The following GPR158 variants were observed in gnomAD, a reference collection of about 807,000 sequenced individuals.
GPR158 encodes G protein-coupled receptor 158.
A neutral mutation model predicts 78.2 loss-of-function variants in GPR158; 30 were observed. The observed-to-expected ratio is 0.38, with a 90% CI of 0.29 to 0.52. The LOEUF is 0.52. Ranked by LOEUF, GPR158 falls within the 20% of genes least tolerant of loss-of-function variation. The pLI, the probability that GPR158 is intolerant of heterozygous loss-of-function variation, is 0.83. For synonymous variants in GPR158, 581 were observed against 591.1 expected (o/e 0.98, Z 0.25); for missense variants, 1,463 against 1,523.5 (o/e 0.96, Z 0.66).
intron 6 of GPR158, among the ~76,000 whole-genome samples, chr10:25,560,250 A>ATATTTTTATTTTTCATTT (rs1209788055): frequency 2.0e-5 from 3 of 152,122 alleles, no homozygotes; most frequent in Admixed American, 6.6e-5. Context: ...ATTTTTTAAA[A>ATATTTTTATTTTTCATTT]TATTTTTATT....
intron 7 of GPR158, among the ~76,000 whole-genome samples, chr10:25,579,872 C>T (rs1043787313): frequency 6.6e-6 from 1 of 152,190 alleles, no homozygotes; most frequent in Non-Finnish European, 1.5e-5. Flanking sequence ...TTCTATTCAT[C>T]CTCTATCATC....
At chr10:25,543,527 G>A (rs1564485176) in intron 5 of GPR158, among the ~76,000 whole-genome samples, 1 of 152,120 alleles carries the variant, frequency 6.6e-6, no homozygotes, top group Non-Finnish European at 1.5e-5. Flanking sequence ...TTGTTACATG[G>A]CTGTAGTGTG....
chr10:25,544,874 C>A (rs1836641591), intron 5 of GPR158, among the ~76,000 whole-genome samples: 1 of 152,112 alleles, frequency 6.6e-6, no homozygotes, highest in African/African-American at 2.4e-5. Context: ...CAACCCCTGA[C>A]AGGCCCTGGT....
intron 5 of GPR158, among the ~76,000 whole-genome samples, chr10:25,527,722 C>T (rs1035919834): frequency 6.6e-6 from 1 of 151,938 alleles, no homozygotes; most frequent in Non-Finnish European, 1.5e-5. Flanking sequence ...TAAGAATCTA[C>T]TTGAAATCAG....
In GPR158 at chr10:25,175,791, G is replaced by A. The variant is rs1199615215; in HGVS notation, c.371G>A (p.Arg124Gln). Residue 124 changes from arginine (R) to glutamine (Q), a missense_variant, in exon 1 of 11, where the codon CGG becomes CAG. Arg to Gln is a conservative substitution (Grantham distance 43). Coordinates refer to ENST00000376351, the MANE Select transcript of GPR158 (RefSeq NM_020752.3). The surrounding 1 kb of genome is among the most constrained non-coding windows in gnomAD (Gnocchi z 6.4). ...ALASAHPSLH[R>Q]ALDTLTHATN... ...GCCAGCGCGCACCCCTCCTTGCACC[G>A]GGCGCTGGACACACTGACACACGCC... 1.2e-6 allele frequency: 2 copies of A among 1,611,494 alleles called. No individual in the cohort carries two copies. The highest frequency in any genetic ancestry group is 3.3e-5 in the Admixed American group (2 of 60,022).
intron 4 of GPR158, among the ~76,000 whole-genome samples, chr10:25,433,563 G>T (rs1358590092): frequency 1.4e-5 from 2 of 147,920 alleles, no homozygotes; most frequent in Admixed American, 6.8e-5. Flanking sequence ...GTGTGTGTGT[G>T]TGTGTGTGCG....
chr10:25,596,904 A>G (rs750529449), intron 10 of GPR158, 115 bp downstream of exon 10: 61 of 819,250 alleles, frequency 7.4e-5, no homozygotes, highest in Non-Finnish European at 1.1e-4. Context: ...TTGTGCATGT[A>G]TGTCTCAGAA....
intron 2 of GPR158, among the ~76,000 whole-genome samples, chr10:25,298,811 G>A (rs1854552275): frequency 6.6e-6 from 1 of 152,070 alleles, no homozygotes; most frequent in Non-Finnish European, 1.5e-5. Context: ...GAATGCTTTA[G>A]TTTGTTTTTA....
chr10:25,534,824 C>A (rs7100942), intron 5 of GPR158, among the ~76,000 whole-genome samples: 64,581 of 151,870 alleles, frequency 0.43, 13,844 homozygotes, highest in East Asian at 0.56. Context: ...ACATCTCCCA[C>A]CTCAACATGA....
At position 25,263,260 on chromosome 10, in the gene GPR158, T is replaced by G. The variant is rs113028620; in HGVS notation, c.1008+42103T>G. On this transcript the variant is annotated intron_variant, in intron 2 of 10. Transcript: ENST00000376351. ...TTATTTTTGCATGAGGATGTCCAGT[T>G]GTTCCCAGCACCGTTTTTTGAAAAG... Among the ~76,000 whole-genome samples, 496 of 152,312 alleles carry G rather than the reference T, an allele frequency of 3.3e-3. 5 individuals carry two copies. Among genetic ancestry groups the G allele is most frequent in the African/African-American group, 0.012 (482 of 41,576 alleles).
intron 2 of GPR158, among the ~76,000 whole-genome samples, chr10:25,337,969 A>G (rs1855233398): frequency 6.6e-6 from 1 of 151,854 alleles, no homozygotes; most frequent in South Asian, 2.1e-4. Flanking sequence ...TGTTTTTTAA[A>G]ATGCCTTTTT....
intron 5 of GPR158, among the ~76,000 whole-genome samples, chr10:25,482,086 A>G (rs1485831984): frequency 6.6e-6 from 1 of 152,070 alleles, no homozygotes; most frequent in African/African-American, 2.4e-5. Context: ...AGGTACATCA[A>G]CAAAGATGAC....
rs1363230540 is a variant in GPR158 at position 25,588,902 on chromosome 10, CTATT to C, written c.1754-101_1754-98del. The stretch of plus-strand genomic sequence containing the variant: ...ATGTGAATAAGACTTTCTAACCCAT[CTATT>C]TATAAAAAACTTATGTTGAATAATA... On this transcript the variant is annotated intron_variant, in intron 7 of 10. Transcript: ENST00000376351. 1.6e-5 allele frequency: 10 copies of C among 614,422 alleles called. No homozygotes were observed. The Admixed American group carries it at 3.0e-4, about 18-fold the overall frequency. 38.1% of individuals were successfully genotyped at this position (614,422 alleles called of 1,614,324 possible).
At chr10:25,202,995 C>G (rs867298262) in intron 1 of GPR158, among the ~76,000 whole-genome samples, 2 of 152,314 alleles carry the variant, frequency 1.3e-5, no homozygotes, top group African/African-American at 4.8e-5. Context: ...CTGCATTTCT[C>G]TGATGGCCAG....
At chr10:25,441,915 A>G (rs1835073460) in intron 4 of GPR158, among the ~76,000 whole-genome samples, 1 of 152,178 alleles carries the variant, frequency 6.6e-6, no homozygotes, top group Non-Finnish European at 1.5e-5. Context: ...CCTTGAGGGC[A>G]GTGAATTTCA....
At chr10:25,268,331 C>G (rs959370773) in intron 2 of GPR158, among the ~76,000 whole-genome samples, 3 of 152,030 alleles carry the variant, frequency 2.0e-5, no homozygotes, top group Admixed American at 6.6e-5. Context: ...TGTGAGCGTG[C>G]CTGGATAAAC....
In GPR158 at chr10:25,361,343, G is replaced by T. The variant is rs140660030; in HGVS notation, c.1009-34568G>T. Among the ~76,000 whole-genome samples the T allele has an allele frequency of 1.4e-3, 208 of 151,752 alleles. 1 individual carries two copies. Among genetic ancestry groups the T allele is most frequent in the Non-Finnish European group, 1.8e-3 (125 of 67,892 alleles). On this transcript the variant is annotated intron_variant, in intron 2 of 10. Transcript: ENST00000376351. ...TGCTTATTGTTTCATTTGTTGATGG[G>T]TGTTTGGGTTACTTAACACCCCTTG...
intron 7 of GPR158, among the ~76,000 whole-genome samples, chr10:25,577,803 A>G (rs989396689): frequency 9.8e-5 from 15 of 152,326 alleles, no homozygotes; most frequent in Admixed American, 4.6e-4. Context: ...TCAGAATCAC[A>G]TTGTCATTTA....
chr10:25,589,394 C>A (rs1259708781), intron 8 of GPR158, among the ~76,000 whole-genome samples: 1 of 152,082 alleles, frequency 6.6e-6, no homozygotes, highest in African/African-American at 2.4e-5. Flanking sequence ...ATTGTATTAT[C>A]TTAAGCCACT....
Sources: gnomAD v4.1 joint callset for allele counts (sites outside exome capture counted in the v4.1 genomes callset) on GRCh38, gnomAD v4.1.1 for gene constraint, Gnocchi (gnomAD v3.1) non-coding constraint, MANE v1.5 for transcripts, NCBI Gene and HGNC (gene_info 2026-07-23, HGNC 2026-07-21) for gene names.